NUSAP1: variants seen among roughly 807,000 people sequenced by gnomAD.
The protein encoded by NUSAP1 is nucleolar and spindle-associated protein 1.
A neutral mutation model predicts 52.8 loss-of-function variants in NUSAP1; 32 were observed. That is an observed-to-expected ratio of 0.61 (90% CI 0.46 to 0.81). The LOEUF (loss-of-function observed/expected upper bound fraction) is 0.81, where lower values mean the gene tolerates loss of function less well. NUSAP1 is among the 40% of genes least tolerant of loss of function. The pLI, the probability that NUSAP1 is intolerant of heterozygous loss-of-function variation, is 0.00. For synonymous variants in NUSAP1, 195 were observed against 183.1 expected, an observed-to-expected ratio of 1.06 and a Z score of -0.52; for missense variants, 499 against 522.3, an observed-to-expected ratio of 0.96 and a Z score of 0.43.
rs1204706116 is a variant in NUSAP1, at chr15:41,359,937, C to T, written c.660+1679C>T. Among the ~76,000 whole-genome samples, 11 of 151,842 alleles carry T rather than the reference C, an allele frequency of 7.2e-5. No individual in the cohort carries two copies. In the Admixed American group the frequency reaches 7.2e-4, roughly 10 times the overall value. On this transcript the variant is annotated intron_variant, in intron 6 of 10. Coordinates refer to ENST00000559596, the MANE Select transcript of NUSAP1 (RefSeq NM_016359.5). ...CCATTGCTCCCATCCTCACTGTTAC[C>T]ACATTTGAAGGCACTGTTTGTCAAA...
chr15:41,358,606 A>T (rs1257497059), intron 6 of NUSAP1, among the ~76,000 whole-genome samples: 2 of 152,116 alleles, frequency 1.3e-5, no homozygotes, highest in African/African-American at 4.8e-5. Flanking sequence ...GGGGTGGCAC[A>T]TGGCTGTAAT....
chr15:41,354,743 G>A (rs1482365705), intron 4 of NUSAP1, among the ~76,000 whole-genome samples: 2 of 151,368 alleles, frequency 1.3e-5, no homozygotes, highest in Admixed American at 1.3e-4. Context: ...TCAGGGCAGG[G>A]CGCGGTGGCT....
intron 6 of NUSAP1, among the ~76,000 whole-genome samples, chr15:41,358,735 A>G (rs2049062727): frequency 6.6e-6 from 1 of 152,124 alleles, no homozygotes; most frequent in Non-Finnish European, 1.5e-5. Context: ...CTCCGTCTCA[A>G]AAAAAAAGAA....
chr15:41,359,622 T>A (rs2049092671), intron 6 of NUSAP1, among the ~76,000 whole-genome samples: 1 of 149,472 alleles, frequency 6.7e-6, no homozygotes, highest in Non-Finnish European at 1.5e-5. Flanking sequence ...CAACCATTTT[T>A]TTTCTTTTCT....
chr15:41,358,346 C>A, intron 6 of NUSAP1, 88 bp downstream of exon 6: 1 of 652,394 alleles, frequency 1.5e-6, no homozygotes. Context: ...CAACAACTGG[C>A]TGTCACTCTA....
intron 4 of NUSAP1, among the ~76,000 whole-genome samples, chr15:41,355,832 A>G (rs2048947220): frequency 6.6e-6 from 1 of 151,636 alleles, no homozygotes; most frequent in Admixed American, 6.6e-5. Context: ...GCCCACCACC[A>G]CGCCCGGCTG....
chr15:41,372,602 T>G (rs1246869962), intron 8 of NUSAP1, among the ~76,000 whole-genome samples: 1 of 152,220 alleles, frequency 6.6e-6, no homozygotes, highest in Non-Finnish European at 1.5e-5. Flanking sequence ...TGTACCAATC[T>G]GTGCTTCCAG....
At chr15:41,344,111 G>GGAGGCTGA (rs2048466517) in intron 2 of NUSAP1, 1 of 151,244 alleles carries the variant, frequency 6.6e-6, no homozygotes, top group African/African-American at 2.4e-5. Context: ...CAGTTACTCA[G>GGAGGCTGA]GAGGCTGAGG....
In NUSAP1 at chr15:41,333,066, T is replaced by C. The variant is rs752464644; in HGVS notation, c.93+16T>C. On this transcript the variant is annotated intron_variant, in intron 1 of 10. Coordinates refer to ENST00000559596, the MANE Select transcript of NUSAP1 (RefSeq NM_016359.5). ...CAACCTGAGGGTACGGCGCTGGCGG[T>C]GCGGGTCCCTGGGCGGGCGCGGCGG... 1 of 1,596,270 alleles carries C rather than the reference T, an allele frequency of 6.3e-7. No individual in the cohort carries two copies. Among genetic ancestry groups the C allele is most frequent in the Admixed American group, 1.7e-5 (1 of 57,992 alleles).
chr15:41,344,234 A>AAACAAC (rs1235326653), intron 2 of NUSAP1: 1 of 150,930 alleles, frequency 6.6e-6, no homozygotes, highest in Non-Finnish European at 1.5e-5. Flanking sequence ...AAAAAAAAAG[A>AAACAAC]AACAACAACT....
At chr15:41,373,476 G>A (rs1402737301) in intron 8 of NUSAP1, among the ~76,000 whole-genome samples, 1 of 140,418 alleles carries the variant, frequency 7.1e-6, no homozygotes, top group African/African-American at 2.7e-5. Context: ...TTGAGACGGA[G>A]TCTCACTCTA....
At chr15:41,379,213 C>G (rs2050114139) in intron 10 of NUSAP1, among the ~76,000 whole-genome samples, 1 of 151,932 alleles carries the variant, frequency 6.6e-6, no homozygotes, top group African/African-American at 2.4e-5. Context: ...CTTGGCCTCC[C>G]AAAGTGCTGG....
intron 1 of NUSAP1, among the ~76,000 whole-genome samples, chr15:41,337,110 G>T (rs529171267): frequency 6.9e-6 from 1 of 145,646 alleles, no homozygotes; most frequent in East Asian, 2.2e-4. Context: ...TCAACCTCCC[G>T]GGCTCAAGCA....
intron 9 of NUSAP1, among the ~76,000 whole-genome samples, chr15:41,376,531 C>T (rs909719250): frequency 6.8e-5 from 10 of 146,336 alleles, no homozygotes; most frequent in Non-Finnish European, 1.2e-4. Context: ...ACCAAAAATA[C>T]AAAAACAAAA....
chr15:41,371,146 C>G (rs2049668981), intron 7 of NUSAP1, among the ~76,000 whole-genome samples: 1 of 152,100 alleles, frequency 6.6e-6, no homozygotes. Flanking sequence ...CACCACTCAC[C>G]TAGCATAGCA....
chr15:41,341,386 G>A (rs1321832404), intron 1 of NUSAP1, among the ~76,000 whole-genome samples: 1 of 152,112 alleles, frequency 6.6e-6, no homozygotes, highest in African/African-American at 2.4e-5. Flanking sequence ...TAAAGCACAG[G>A]AAAATGTAAC....
intron 1 of NUSAP1, among the ~76,000 whole-genome samples, chr15:41,339,732 C>G (rs1253066287): frequency 6.6e-6 from 1 of 150,988 alleles, no homozygotes; most frequent in Non-Finnish European, 1.5e-5. Flanking sequence ...TTCTATAGGC[C>G]TGACTTTTTT....
At chr15:41,343,809 C>G (rs1355838298) in intron 2 of NUSAP1, among the ~76,000 whole-genome samples, 1 of 151,588 alleles carries the variant, frequency 6.6e-6, no homozygotes, top group African/African-American at 2.4e-5. Context: ...ATTTTTGATT[C>G]CAGGCTTTAA....
chr15:41,350,907 C>G, intron 3 of NUSAP1, 81 bp from the exon 4 acceptor site: 1 of 1,230,546 alleles, frequency 8.1e-7, no homozygotes, highest in South Asian at 1.5e-5. Context: ...CCCCTTTTCC[C>G]CCTCACTTTG....
Sources: gnomAD v4.1 joint callset for allele counts (sites outside exome capture counted in the v4.1 genomes callset) on GRCh38, gnomAD v4.1.1 for gene constraint, MANE v1.5 for transcripts, NCBI Gene and HGNC (gene_info 2026-07-23, HGNC 2026-07-21) for gene names.